The following ACER1 variants were observed in gnomAD, a reference collection of about 807,000 sequenced individuals.
The protein encoded by ACER1 is CTB-180A7.3.
ACER1 carries 28 observed loss-of-function variants against 24.9 expected under a neutral mutation model. That is an observed-to-expected ratio of 1.13 (90% CI 0.83 to 1.54). The LOEUF (loss-of-function observed/expected upper bound fraction) is 1.54. Among genes scored for constraint, ACER1 ranks in the 40% most tolerant of loss-of-function variants. The probability of loss-of-function intolerance (pLI) is 0.00; values close to 1 mark genes in which losing one functional copy is unlikely to be tolerated. For missense variants in ACER1, 352 were observed against 349.3 expected (o/e 1.01, Z -0.06); for synonymous variants, 132 against 131.4 (o/e 1.00, Z -0.03).
chr19:6,355,858 C>T, the ACER1 span, among the ~76,000 whole-genome samples: 157 of 148,272 alleles, frequency 1.1e-3, 2 homozygotes, highest in African/African-American at 3.8e-3. Flanking sequence ...GGGGGGTCAG[C>T]CCCCCGCCCG....
chr19:6,326,080 G>T (rs1228903496), intron 1 of ACER1, among the ~76,000 whole-genome samples: 1 of 151,090 alleles, frequency 6.6e-6, no homozygotes, highest in East Asian at 2.0e-4. Context: ...TCAGCCTCCG[G>T]AGTAGCTGGG....
intron 4 of ACER1, among the ~76,000 whole-genome samples, chr19:6,307,765 T>A (rs2091559105): frequency 6.6e-6 from 1 of 151,992 alleles, no homozygotes; most frequent in African/African-American, 2.4e-5. Flanking sequence ...CACTCCGGCC[T>A]GGGTGACAGA....
At chr19:6,354,979 C>T in the ACER1 span, among the ~76,000 whole-genome samples, 10 of 152,130 alleles carry the variant, frequency 6.6e-5, no homozygotes, top group African/African-American at 1.4e-4. Context: ...CGCGCCACCA[C>T]GCCTGACTGG....
chr19:6,336,795 G>A (rs963323072), upstream of ACER1, among the ~76,000 whole-genome samples: 2 of 148,116 alleles, frequency 1.4e-5, no homozygotes, highest in African/African-American at 2.5e-5. Context: ...ACTTCAGCCC[G>A]GGCGACAGAT....
At chr19:6,310,002 C>T (rs1406328380) in intron 3 of ACER1, among the ~76,000 whole-genome samples, 168 bp from the exon 4 acceptor site, 2 of 152,062 alleles carry the variant, frequency 1.3e-5, no homozygotes, top group African/African-American at 4.8e-5. Flanking sequence ...TGGCTCATGT[C>T]TGTAATCCCA....
Position 6,306,471 on chromosome 19 carries a change from TG to T in ACER1, c.*242del, listed in dbSNP as rs543155615. ...ACACAGAGGAGGAAATGAAAGAGGA[TG>T]GGGGGGGTCATGGAGGGGAGATGCA... On this transcript the variant is annotated 3_prime_UTR_variant, in exon 6 of 6. Transcript: ENST00000301452. The T allele has an allele frequency of 2.8e-4, 131 of 461,988 alleles. No homozygotes were observed. The highest frequency in any genetic ancestry group is 4.0e-4 in the East Asian group (12 of 29,666). The allele number at this position is 461,988 out of a possible 1,614,324, so 28.6% of individuals were successfully genotyped here.
At chr19:6,309,555 A>G in intron 4 of ACER1, 142 bp downstream of exon 4, 1 of 1,059,666 alleles carries the variant, frequency 9.4e-7, no homozygotes, top group Non-Finnish European at 1.4e-6. Context: ...CAAACTCTGC[A>G]GTCAGTCAGG....
At chr19:6,315,878 T>C (rs1000369090) in intron 1 of ACER1, among the ~76,000 whole-genome samples, 1 of 152,084 alleles carries the variant, frequency 6.6e-6, no homozygotes, top group African/African-American at 2.4e-5. Context: ...ACCTGTAATC[T>C]CAGCACTTGG....
At chr19:6,356,923 G>T in the ACER1 span, among the ~76,000 whole-genome samples, 2 of 151,562 alleles carry the variant, frequency 1.3e-5, no homozygotes, top group African/African-American at 4.9e-5. Flanking sequence ...TAATGCAATT[G>T]TTTATGATGA....
the ACER1 span, among the ~76,000 whole-genome samples, chr19:6,339,263 C>T: frequency 1.1e-4 from 16 of 151,942 alleles, no homozygotes; most frequent in Non-Finnish European, 2.1e-4. Context: ...TCATCCATAC[C>T]GTGGAATATT....
At chr19:6,351,988 G>A in the ACER1 span, among the ~76,000 whole-genome samples, 38 of 149,558 alleles carry the variant, frequency 2.5e-4, no homozygotes, top group African/African-American at 7.9e-4. Context: ...CCTGGGTGGC[G>A]GAGCTTGCAG....
At chr19:6,357,775 A>T in the ACER1 span, among the ~76,000 whole-genome samples, 1 of 152,024 alleles carries the variant, frequency 6.6e-6, no homozygotes, top group African/African-American at 2.4e-5. Flanking sequence ...AAAAAAAAAA[A>T]AATTAGCTTT....
At chr19:6,319,319 C>T (rs539098585) in intron 1 of ACER1, among the ~76,000 whole-genome samples, 7 of 152,218 alleles carry the variant, frequency 4.6e-5, no homozygotes, top group Non-Finnish European at 1.0e-4. Flanking sequence ...GGTCTCCCTC[C>T]CTGCCTTCCG....
At chr19:6,322,833 G>C (rs560046238) in intron 1 of ACER1, among the ~76,000 whole-genome samples, 1 of 152,076 alleles carries the variant, frequency 6.6e-6, no homozygotes, top group African/African-American at 2.4e-5. Flanking sequence ...AGTTTCAGCC[G>C]GGCGTGGTGG....
At chr19:6,321,651 C>T (rs113283149) in intron 1 of ACER1, among the ~76,000 whole-genome samples, 9,910 of 151,936 alleles carry the variant, frequency 0.065, 365 homozygotes, top group East Asian at 0.12. Context: ...CTCTGTTGCC[C>T]AGGCTGGGGT....
At chr19:6,340,860 C>A in the ACER1 span, among the ~76,000 whole-genome samples, 1 of 152,014 alleles carries the variant, frequency 6.6e-6, no homozygotes, top group Non-Finnish European at 1.5e-5. Flanking sequence ...GAGCTCTCAG[C>A]GGTTATTGTA....
the ACER1 span, among the ~76,000 whole-genome samples, chr19:6,347,098 CAA>C: frequency 9.8e-5 from 8 of 81,978 alleles, no homozygotes; most frequent in East Asian, 3.6e-4. Flanking sequence ...CCTGTCTCTA[CAA>C]AAAAAAAAAA....
chr19:6,347,558 G>A, the ACER1 span, among the ~76,000 whole-genome samples: 17 of 151,972 alleles, frequency 1.1e-4, no homozygotes, highest in Non-Finnish European at 2.4e-4. Flanking sequence ...AATGATGGCC[G>A]GGCGTGGTGG....
the ACER1 span, among the ~76,000 whole-genome samples, chr19:6,350,176 G>A: frequency 6.6e-6 from 1 of 150,634 alleles, no homozygotes; most frequent in East Asian, 1.9e-4. Context: ...AGAGGGGAGG[G>A]GAGGGAAGGG....
Sources: allele counts gnomAD v4.1 joint callset (sites outside exome capture counted in the v4.1 genomes callset), GRCh38; gene constraint gnomAD v4.1.1; transcripts MANE v1.5; gene names NCBI Gene and HGNC (gene_info 2026-07-23, HGNC 2026-07-21).